Variants in CAMK2B observed in about 807,000 individuals in gnomAD.
The protein encoded by CAMK2B is calcium/calmodulin dependent protein kinase II beta.
In CAMK2B, 27 loss-of-function variants were observed where a neutral mutation model predicts 93.7. The observed-to-expected ratio is 0.29, with a 90% confidence interval of 0.21 to 0.40. The LOEUF is 0.40. Ranked by LOEUF, CAMK2B falls within the 10% of genes least tolerant of loss-of-function variation. The pLI is 1.00. For missense variants in CAMK2B, 568 were observed against 895.8 expected, an observed-to-expected ratio of 0.63 and a Z score of 4.67; for synonymous variants, 374 against 358.8, an observed-to-expected ratio of 1.04 and a Z score of -0.48.
chr7:44,320,382 A>G (rs1484932189), intron 1 of CAMK2B, among the ~76,000 whole-genome samples: 1 of 152,168 alleles, frequency 6.6e-6, no homozygotes, highest in Non-Finnish European at 1.5e-5. Context: ...AAAGCACAGA[A>G]TAGAGTAGGG....
rs531886554 is a variant in CAMK2B, at chr7:44,224,816, G to T, written c.1597+1700C>A. Among the ~76,000 whole-genome samples the T allele has an allele frequency of 9.9e-5, 15 of 152,272 alleles. No homozygotes were observed. The South Asian group carries it at 3.1e-3, about 32-fold the overall frequency. On this transcript the variant is annotated intron_variant, in intron 20 of 23. Transcript: ENST00000395749. This position sits in a 1 kb window ranked among gnomAD's most constrained non-coding sequence, Gnocchi z 4.4. ...CGTGGGCACCTGCCCTATTTACACA[G>T]CTGGTGGGTGCCTTCTGGAGAAAGG... is the stretch of plus-strand genomic sequence containing the variant.
chr7:44,258,810 G>T (rs2096855603), intron 4 of CAMK2B, 62 bp downstream of exon 4: 6 of 1,494,242 alleles, frequency 4.0e-6, no homozygotes, highest in South Asian at 3.5e-5. Flanking sequence ...GGAGGCTGCA[G>T]ATCCCACCCT....
chr7:44,237,391 C>T (rs530113406), intron 13 of CAMK2B, among the ~76,000 whole-genome samples: 2 of 152,360 alleles, frequency 1.3e-5, no homozygotes, highest in East Asian at 3.9e-4. Flanking sequence ...ACGTACAAAC[C>T]AGCCCTCCTC....
Position 44,324,614 on chromosome 7 carries a change from C to T in CAMK2B, c.65+743G>A, listed in dbSNP as rs115149846. Reference sequence around the variant, plus strand: ...TCAAAGCCCCTTCCCCTTTAGGGCGCCCCCGCCAACAGTCCAAAATCCAGC... The same window carrying T: ...TCAAAGCCCCTTCCCCTTTAGGGCGTCCCCGCCAACAGTCCAAAATCCAGC... On this transcript the variant is annotated intron_variant, in intron 1 of 23. Coordinates refer to ENST00000395749, the MANE Select transcript of CAMK2B (RefSeq NM_001220.5). Among the ~76,000 whole-genome samples, 939 of 152,308 alleles carry T rather than the reference C, an allele frequency of 6.2e-3. 6 individuals are homozygous for T. The highest frequency in any genetic ancestry group is 0.021 in the African/African-American group (882 of 41,560).
intron 13 of CAMK2B, among the ~76,000 whole-genome samples, chr7:44,236,574 A>G (rs910225430): frequency 2.6e-5 from 4 of 152,254 alleles, no homozygotes; most frequent in African/African-American, 9.6e-5. Flanking sequence ...CCACTTCCCT[A>G]TAGCACAGAC....
At position 44,226,662 on chromosome 7, in the gene CAMK2B, A is replaced by C. The variant is rs1399918108; in HGVS notation, c.1469-18T>G. On this transcript the variant is annotated intron_variant, in intron 19 of 23. Coordinates refer to ENST00000395749, the MANE Select transcript of CAMK2B (RefSeq NM_001220.5). ...CCTGGGGGCTGGGGCGGAACAGACG[A>C]GACGTGAACACAAGGCAGGCACGGG... 3 of 1,525,030 alleles carry C rather than the reference A, an allele frequency of 2.0e-6. No homozygotes were observed. Among genetic ancestry groups the C allele is most frequent in the Non-Finnish European group, 2.6e-6 (3 of 1,145,692 alleles). 94.5% of individuals were successfully genotyped at this position (1,525,030 alleles called of 1,614,324 possible). A position where few individuals can be genotyped will look rare whatever the true frequency, so the allele number is the denominator to read the frequency against.
rs1364861962 is a variant in CAMK2B at position 44,276,131 on chromosome 7, AG to A, written c.160+7999del. On this transcript the variant is annotated intron_variant, in intron 2 of 23. Coordinates refer to ENST00000395749, the MANE Select transcript of CAMK2B (RefSeq NM_001220.5). ...GAGAAGCCAGAGGGGAAAGAGGGGC[AG>A]GGGGAGGGGAGAAGAGAGGAGGGCA... Among the ~76,000 whole-genome samples the A allele has an allele frequency of 6.0e-5, 3 of 50,050 alleles. No homozygotes were observed. In the East Asian group the frequency reaches 1.5e-3, roughly 24 times the overall value. 32.8% of individuals were successfully genotyped at this position (50,050 alleles called of 152,430 possible).
intron 2 of CAMK2B, among the ~76,000 whole-genome samples, chr7:44,276,566 T>C (rs772759953): frequency 1.1e-4 from 16 of 152,086 alleles, no homozygotes; most frequent in Admixed American, 3.3e-4. Flanking sequence ...TCCCTGTCCA[T>C]CATGCCTTTG....
chr7:44,325,328 GC>G, intron 1 of CAMK2B, 28 bp downstream of exon 1: 1 of 1,208,582 alleles, frequency 8.3e-7, no homozygotes, highest in Non-Finnish European at 1.1e-6. Flanking sequence ...GGGGTCCCCG[GC>G]CCAGCCCGCG....
At chr7:44,300,037 T>TGTGTGTGA (rs1789497753) in intron 1 of CAMK2B, among the ~76,000 whole-genome samples, 1 of 151,302 alleles carries the variant, frequency 6.6e-6, no homozygotes, top group Non-Finnish European at 1.5e-5. Context: ...TGTGTGTGTG[T>TGTGTGTGA]GTGTGTGTGT....
At chr7:44,243,709 G>A (rs1454500263) in intron 6 of CAMK2B, among the ~76,000 whole-genome samples, 182 bp from the exon 7 acceptor site, 3 of 152,160 alleles carry the variant, frequency 2.0e-5, no homozygotes, top group African/African-American at 4.8e-5. Context: ...AGTCCCAGAC[G>A]CTGAGCCTGC....
At chr7:44,306,299 C>A (rs1791491478) in intron 1 of CAMK2B, among the ~76,000 whole-genome samples, 1 of 152,158 alleles carries the variant, frequency 6.6e-6, no homozygotes. Flanking sequence ...GGGTCTGGGA[C>A]TTCTGCTCAT....
At chr7:44,244,824 G>C in intron 6 of CAMK2B, 1 of 414,672 alleles carries the variant, frequency 2.4e-6, no homozygotes. Context: ...GAGCAGGCGG[G>C]ATGAGGCCGT....
rs2096701971 is a variant in CAMK2B at position 44,243,531 on chromosome 7, C to T, written c.415-4G>A. On this transcript the variant is annotated splice_polypyrimidine_tract_variant and splice_region_variant and intron_variant, in intron 6 of 23. Transcript: ENST00000395749. The stretch of plus-strand genomic sequence containing the variant: ...TGGCCAGAAGCAGGTTCTCCGGCTG[C>T]AGGGAGGTGACCGGCACAAGGGTGC... The T allele has an allele frequency of 1.2e-6, 2 of 1,613,040 alleles. No homozygotes were observed. Among genetic ancestry groups the T allele is most frequent in the Non-Finnish European group, 1.7e-6 (2 of 1,179,268 alleles).
intron 6 of CAMK2B, among the ~76,000 whole-genome samples, chr7:44,246,417 G>A (rs557483562): frequency 7.9e-5 from 12 of 152,078 alleles, no homozygotes; most frequent in African/African-American, 2.7e-4. Flanking sequence ...GCACACACAT[G>A]CACATGTACA....
In CAMK2B at chr7:44,229,747, G is replaced by A. The variant is rs115226677; in HGVS notation, c.1226-246C>T. 2.1e-5 allele frequency: 9 copies of A among 434,886 alleles called. No individual in the cohort carries two copies. In the South Asian group the frequency reaches 2.7e-4, roughly 13 times the overall value. The allele number at this position is 434,886 out of a possible 1,614,324, so 26.9% of individuals were successfully genotyped here. Reference sequence around the variant, plus strand: ...AGAGCCAGAGCCAGCAGAGGCCAGGGCAGCACAGGCCAGTGCAGGCTGGCG... The same window carrying A: ...AGAGCCAGAGCCAGCAGAGGCCAGGACAGCACAGGCCAGTGCAGGCTGGCG... On this transcript the variant is annotated intron_variant, in intron 17 of 23. Transcript: ENST00000395749.
At chr7:44,239,785 G>A (rs1406177128) in intron 12 of CAMK2B, 122 bp from the exon 13 acceptor site, 4 of 694,762 alleles carry the variant, frequency 5.8e-6, no homozygotes, top group African/African-American at 5.3e-5. Flanking sequence ...TAAAGTTTAG[G>A]TGACAGATGG....
intron 2 of CAMK2B, among the ~76,000 whole-genome samples, chr7:44,272,497 C>G (rs1029214181): frequency 2.6e-5 from 4 of 152,162 alleles, no homozygotes; most frequent in Admixed American, 2.6e-4. Context: ...AAAGGCAACA[C>G]GACAACCAGC....
intron 1 of CAMK2B, among the ~76,000 whole-genome samples, chr7:44,288,112 C>T (rs1473649496): frequency 6.6e-6 from 1 of 152,200 alleles, no homozygotes; most frequent in Non-Finnish European, 1.5e-5. Flanking sequence ...CCCACCAAGG[C>T]TTCCAGGGCC....
Sources: gnomAD v4.1 joint callset for allele counts (sites outside exome capture counted in the v4.1 genomes callset) on GRCh38, gnomAD v4.1.1 for gene constraint, Gnocchi (gnomAD v3.1) non-coding constraint, MANE v1.5 for transcripts, NCBI Gene and HGNC (gene_info 2026-07-23, HGNC 2026-07-21) for gene names.